MRPS6: variants seen among roughly 807,000 people sequenced by gnomAD.
The protein encoded by MRPS6 is mitochondrial ribosomal protein S6, also known as small ribosomal subunit protein bS6m.
In MRPS6, 6 loss-of-function variants were observed where a neutral mutation model predicts 13.1. The ratio of observed to expected loss-of-function variants is 0.46; its 90% CI spans 0.25 to 0.91. The LOEUF (loss-of-function observed/expected upper bound fraction) is 0.91. MRPS6 is among the 40% of genes least tolerant of loss of function. MRPS6 has a pLI of 0.18. For missense variants in MRPS6, 164 were observed against 155.6 expected, an observed-to-expected ratio of 1.05 and a Z score of -0.29; for synonymous variants, 61 against 56.5, an observed-to-expected ratio of 1.08 and a Z score of -0.36.
intron 1 of MRPS6, among the ~76,000 whole-genome samples, chr21:34,076,445 T>G (rs189647228): frequency 6.6e-6 from 1 of 152,358 alleles, no homozygotes; most frequent in African/African-American, 2.4e-5. Context: ...GTCAGTCATA[T>G]TGAACTATAC....
chr21:34,131,860 G>T (rs756956479), intron 2 of MRPS6, among the ~76,000 whole-genome samples: 1 of 152,210 alleles, frequency 6.6e-6, no homozygotes, highest in Non-Finnish European at 1.5e-5. Context: ...TCATGCAGCA[G>T]CTCGTACAGC....
intron 1 of MRPS6, among the ~76,000 whole-genome samples, chr21:34,080,401 A>C (rs1231015541): frequency 6.6e-6 from 1 of 152,156 alleles, no homozygotes; most frequent in African/African-American, 2.4e-5. Flanking sequence ...CAGTAAACAA[A>C]GTTGTGCAGA....
chr21:34,100,132 A>T (rs1380688936), intron 1 of MRPS6: 1 of 998,696 alleles, frequency 1.0e-6, no homozygotes, highest in Non-Finnish European at 1.2e-6. Context: ...GATATTGACT[A>T]GAATAGCTAA....
At chr21:34,110,657 T>G (rs1038941156) in intron 1 of MRPS6, among the ~76,000 whole-genome samples, 1 of 152,226 alleles carries the variant, frequency 6.6e-6, no homozygotes, top group South Asian at 2.1e-4. Context: ...CCTCAAACAC[T>G]GCATGAGTGA....
intron 2 of MRPS6, among the ~76,000 whole-genome samples, chr21:34,131,427 C>T (rs939680793): frequency 6.6e-6 from 1 of 152,192 alleles, no homozygotes; most frequent in Admixed American, 6.5e-5. Context: ...AGACACTGAG[C>T]CCCTTTTCTG....
At chr21:34,116,178 TTGTGTGTGTGTGTGTG>T (rs57694757) in intron 1 of MRPS6, among the ~76,000 whole-genome samples, 4,400 of 141,372 alleles carry the variant, frequency 0.031, 226 homozygotes, top group African/African-American at 0.11. Flanking sequence ...CCAGCTAATT[TTGTGTGTGTGTGTGTG>T]TGTGTGTGTG....
intron 1 of MRPS6, among the ~76,000 whole-genome samples, chr21:34,079,504 C>G (rs913068641): frequency 6.6e-6 from 1 of 151,410 alleles, no homozygotes; most frequent in Non-Finnish European, 1.5e-5. Flanking sequence ...GGCACGATCT[C>G]GGCTCACTGC....
At chr21:34,103,792 T>C in intron 1 of MRPS6, 6 of 1,000,110 alleles carry the variant, frequency 6.0e-6, no homozygotes, top group African/African-American at 1.7e-5. Flanking sequence ...TGTACCACAT[T>C]GATGGAGGGA....
intron 2 of MRPS6, 100 bp downstream of exon 2, chr21:34,125,580 C>G: frequency 6.6e-7 from 1 of 1,508,972 alleles, no homozygotes; most frequent in African/African-American, 1.4e-5. Context: ...ACATTGAGAC[C>G]CCTGTTGCGC....
chr21:34,108,564 A>G (rs1303306774), intron 1 of MRPS6, among the ~76,000 whole-genome samples: 4 of 152,196 alleles, frequency 2.6e-5, no homozygotes, highest in African/African-American at 4.8e-5. Flanking sequence ...AACCAACACC[A>G]GTGGTTTCTT....
At chr21:34,125,593 A>T in intron 2 of MRPS6, 113 bp downstream of exon 2, 1 of 1,481,352 alleles carries the variant, frequency 6.8e-7, no homozygotes, top group Non-Finnish European at 9.0e-7. Flanking sequence ...TGTTGCGCCT[A>T]GGTGTCCTTT....
At chr21:34,113,357 T>C (rs1979779040) in intron 1 of MRPS6, among the ~76,000 whole-genome samples, 1 of 152,144 alleles carries the variant, frequency 6.6e-6, no homozygotes, top group African/African-American at 2.4e-5. Context: ...GGATAAAGTA[T>C]GGCATACATA....
chr21:34,082,494 A>G (rs1302357710), intron 1 of MRPS6, among the ~76,000 whole-genome samples: 1 of 152,214 alleles, frequency 6.6e-6, no homozygotes, highest in African/African-American at 2.4e-5. Context: ...GGTGTTTGAA[A>G]TACTACTGGC....
At chr21:34,079,602 A>AT (rs398036389) in intron 1 of MRPS6, among the ~76,000 whole-genome samples, 603 of 43,660 alleles carry the variant, frequency 0.014, 36 homozygotes, top group African/African-American at 0.034. Context: ...GACCCAGCTA[A>AT]TTTTTTTTTT....
At chr21:34,094,545 C>G (rs955423354) in intron 1 of MRPS6, among the ~76,000 whole-genome samples, 1 of 152,084 alleles carries the variant, frequency 6.6e-6, no homozygotes, top group African/African-American at 2.4e-5. Flanking sequence ...AGTGCCTGTC[C>G]TAATCTGAGC....
chr21:34,077,456 T>C lies in MRPS6; in HGVS notation c.45+3711T>C, dbSNP rs144779371. ...TATGAAAGCCCTGGGATAATACTTT[T>C]CCTGAAATCTTCTCATTGGCGTTCA... On this transcript the variant is annotated intron_variant, in intron 1 of 2. Transcript: ENST00000399312. Among the ~76,000 whole-genome samples, 3 of 152,346 alleles carry C rather than the reference T, an allele frequency of 2.0e-5. No individual in the cohort carries two copies. In the East Asian group the frequency reaches 5.8e-4, roughly 29 times the overall value.
At chr21:34,089,514 T>C (rs1004423751) in intron 1 of MRPS6, among the ~76,000 whole-genome samples, 2 of 152,228 alleles carry the variant, frequency 1.3e-5, no homozygotes, top group South Asian at 2.1e-4. Flanking sequence ...GCCAAACTTA[T>C]TGGTAGAATC....
intron 1 of MRPS6, among the ~76,000 whole-genome samples, chr21:34,108,759 C>CT (rs1979584110): frequency 6.6e-6 from 1 of 152,206 alleles, no homozygotes; most frequent in South Asian, 2.1e-4. Flanking sequence ...TTAGAAAGCA[C>CT]TTTCCTTCAG....
In MRPS6 at chr21:34,073,613, T is replaced by G; in HGVS notation, c.-88T>G. 2 of 1,205,984 alleles carry G rather than the reference T, an allele frequency of 1.7e-6. No homozygotes were observed. The highest frequency in any genetic ancestry group is 1.3e-5 in the South Asian group (1 of 75,890). The allele number at this position is 1,205,984 out of a possible 1,614,324, so 74.7% of individuals were successfully genotyped here. ...CCTGGGAGCCGTCCGGCGCAGCAGT[T>G]TCTAGGTCCCCACTGTCCCCGCCGT... On this transcript the variant is annotated 5_prime_UTR_variant, in exon 1 of 3. Transcript: ENST00000399312.
Sources: allele counts gnomAD v4.1 joint callset (sites outside exome capture counted in the v4.1 genomes callset), GRCh38; gene constraint gnomAD v4.1.1; transcripts MANE v1.5; gene names NCBI Gene and HGNC (gene_info 2026-07-23, HGNC 2026-07-21).